Variants in TNC observed in about 807,000 individuals in gnomAD.
The protein encoded by TNC is tenascin C, also known as tenascin.
TNC carries 109 observed loss-of-function variants against 202.4 expected under a neutral mutation model. The ratio of observed to expected loss-of-function variants is 0.54; its 90% CI spans 0.46 to 0.63. The LOEUF is 0.63. Ranked by LOEUF, TNC falls within the 30% of genes least tolerant of loss-of-function variation. The pLI, the probability that TNC is intolerant of heterozygous loss-of-function variation, is 0.00. For synonymous variants in TNC, 1,007 were observed against 1,089.7 expected, an observed-to-expected ratio of 0.92 and a Z score of 1.50; for missense variants, 2,756 against 2,833.3, an observed-to-expected ratio of 0.97 and a Z score of 0.62.
At chr9:115,098,022 C>T (rs1835926966) in intron 1 of TNC, among the ~76,000 whole-genome samples, 1 of 152,104 alleles carries the variant, frequency 6.6e-6, no homozygotes, top group Non-Finnish European at 1.5e-5. Context: ...GTCCCCCATT[C>T]TCCAAATACC....
chr9:115,108,651 G>C (rs1270259561), intron 1 of TNC, among the ~76,000 whole-genome samples: 3 of 152,114 alleles, frequency 2.0e-5, no homozygotes, highest in Non-Finnish European at 4.4e-5. Flanking sequence ...CCTTCCCCCT[G>C]CTATGGTCTG....
At chr9:115,097,710 GA>G (rs1366219426) in intron 1 of TNC, among the ~76,000 whole-genome samples, 1 of 152,204 alleles carries the variant, frequency 6.6e-6, no homozygotes, top group Non-Finnish European at 1.5e-5. Flanking sequence ...GAATTAAGAA[GA>G]TAGCTGTAAT....
rs1198780041 is a variant in TNC, at chr9:115,019,948, A to C, written c.*1209T>G. The C allele has an allele frequency of 6.6e-6, 1 of 152,236 alleles. No individual in the cohort carries two copies. Among genetic ancestry groups the C allele is most frequent in the African/African-American group, 2.4e-5 (1 of 41,464 alleles). The allele number at this position is 152,236 out of a possible 1,614,324, so 9.4% of individuals were successfully genotyped here. On this transcript the variant is annotated 3_prime_UTR_variant, in exon 28 of 28. Transcript: ENST00000350763. ...ATAGAGTTTCTAGGAGTTGCATTAG[A>C]AAATGAGTATAAAAGCATCTTTTAA...
rs574045145 is a variant in TNC, at chr9:115,024,120, G to A, written c.6348C>T (p.Tyr2116=). The A allele has an allele frequency of 5.8e-5, 93 of 1,613,998 alleles. 1 individual carries two copies. In the South Asian group the frequency reaches 6.9e-4, roughly 12 times the overall value. ...AGGTGGAGAAGGATCTGCCATTGTG[G>A]TAGGCCATGGAGTCACCTGGGAGAG... ...YSGTAGDSMA[Y]HNGRSFSTFD... Residue 2116 remains tyrosine, a synonymous_variant, in exon 27 of 28, where the codon TAC becomes TAT. Transcript: ENST00000350763.
At chr9:115,074,777 T>A (rs766015953) in intron 9 of TNC, among the ~76,000 whole-genome samples, 3 of 152,196 alleles carry the variant, frequency 2.0e-5, no homozygotes, top group Non-Finnish European at 4.4e-5. Flanking sequence ...ACATGTGTGA[T>A]AAAATTGCAT....
Position 115,029,366 on chromosome 9 carries a change from A to G in TNC, c.6163T>C (p.Trp2055Arg). The G allele has an allele frequency of 6.2e-7, 1 of 1,614,122 alleles. No homozygotes were observed. Among genetic ancestry groups the G allele is most frequent in the Non-Finnish European group, 8.5e-7 (1 of 1,179,984 alleles). The change falls in exon 25 of 28, where the codon TGG becomes CGG. Residue 2055 changes from tryptophan to arginine, a missense_variant. Physicochemically the swap from Trp to Arg is moderately radical, Grantham distance 101. This residue lies in a region of TNC where 197 missense variants were observed against 287.3 expected (regional missense o/e 0.69). Coordinates refer to ENST00000350763, the MANE Select transcript of TNC (RefSeq NM_002160.4). ...ACATGCAGGGCTGCATTACCAAGCCAGAATTCTTCTCTGCGGTCCCCAAAT... is the reference window on the plus strand; with the variant it reads ...ACATGCAGGGCTGCATTACCAAGCCGGAATTCTTCTCTGCGGTCCCCAAAT... ...AGFGDRREEF[W>R]LGLDNLNKIT...
intron 1 of TNC, among the ~76,000 whole-genome samples, chr9:115,102,781 G>A (rs1018233649): frequency 6.6e-6 from 1 of 152,188 alleles, no homozygotes; most frequent in Non-Finnish European, 1.5e-5. Context: ...TGAGGGCAGG[G>A]ATATATCTGA....
At chr9:115,040,909 A>ACACT (rs761720301) in intron 19 of TNC, 32 bp downstream of exon 19, 5 of 1,550,222 alleles carry the variant, frequency 3.2e-6, no homozygotes. Context: ...AAATAGTAAC[A>ACACT]CACACACACA....
intron 1 of TNC, among the ~76,000 whole-genome samples, chr9:115,102,177 C>A (rs777678365): frequency 6.6e-6 from 1 of 152,136 alleles, no homozygotes; most frequent in Non-Finnish European, 1.5e-5. Flanking sequence ...AACCAAATCC[C>A]ATCTGAGTCC....
chr9:115,097,133 C>T (rs1301239388), intron 1 of TNC, among the ~76,000 whole-genome samples: 1 of 151,788 alleles, frequency 6.6e-6, no homozygotes, highest in African/African-American at 2.4e-5. Context: ...GGGAAAGAGT[C>T]TGGTCTTTGG....
At chr9:115,026,771 G>A (rs1004898576) in intron 25 of TNC, 76 bp from the exon 26 acceptor site, 24 of 1,470,816 alleles carry the variant, frequency 1.6e-5, no homozygotes, top group Admixed American at 9.4e-5. Context: ...CTGTAAAAGC[G>A]GCAACTGGGT....
Position 115,030,356 on chromosome 9 carries a change from A to G in TNC, c.5970T>C (p.Asn1990=), listed in dbSNP as rs1012533415. ...FPKDCSQAML[N]GDTTSGLYTI... is the part of the protein sequence containing the mutation. ...TGTAGAGGCCAGAGGTCGTGTCTCCATTCAGCATTGCTTGGGAGCAGTCCT... is the reference window on the plus strand; with the variant it reads ...TGTAGAGGCCAGAGGTCGTGTCTCCGTTCAGCATTGCTTGGGAGCAGTCCT... The change falls in exon 24 of 28, where the codon AAT becomes AAC. Residue 1990 remains asparagine (N), a synonymous_variant. Transcript: ENST00000350763. 1.2e-6 allele frequency: 2 copies of G among 1,613,934 alleles called. No individual in the cohort carries two copies. The highest frequency in any genetic ancestry group is 2.7e-5 in the African/African-American group (2 of 74,916).
Position 115,020,848 on chromosome 9 carries a change from C to T in TNC, c.*309G>A. 5.8e-6 allele frequency: 2 copies of T among 342,428 alleles called. No homozygotes were observed. The highest frequency in any genetic ancestry group is 5.4e-6 in the Non-Finnish European group (1 of 184,828). 21.2% of individuals were successfully genotyped at this position (342,428 alleles called of 1,614,324 possible). On this transcript the variant is annotated 3_prime_UTR_variant, in exon 28 of 28. Transcript: ENST00000350763. ...ACAAACTACCCCTGTACATCCTACC[C>T]CTCTCCCATTCCCAGAGCCACCTAA...
In TNC at chr9:115,042,291, C is replaced by T. The variant is rs1830821273; in HGVS notation, c.5176G>A (p.Ala1726Thr). 6.2e-7 allele frequency: 1 copy of T among 1,613,996 alleles called. No homozygotes were observed. Among genetic ancestry groups the T allele is most frequent in the African/African-American group, 1.3e-5 (1 of 74,930 alleles). Residue 1726 changes from alanine to threonine, a missense_variant, in exon 18 of 28, where the codon GCT becomes ACT. Physicochemically the swap from Ala to Thr is moderately conservative, Grantham distance 58 (BLOSUM62 0). Around this residue, in one of 2 missense-constraint regions of TNC, gnomAD observed 2,559 missense variants for 2,546.0 expected, o/e 1.01. Transcript: ENST00000350763. ...GTGGGTGCCCTCCAGCTGACAGTAG[C>T]CGAATTTTCAGTGATGTCTGAGAAA... ...VIFSDITENS[A>T]TVSWRAPTAQ... is the part of the protein sequence containing the mutation.
At chr9:115,042,182 A>G in intron 18 of TNC, 37 bp downstream of exon 18, 1 of 1,603,916 alleles carries the variant, frequency 6.2e-7, no homozygotes, top group Non-Finnish European at 8.5e-7. Flanking sequence ...CAAACCCACA[A>G]CACTCCTCCT....
intron 10 of TNC, among the ~76,000 whole-genome samples, chr9:115,065,194 G>A (rs1324065678): frequency 5.9e-5 from 9 of 152,186 alleles, no homozygotes; most frequent in South Asian, 2.1e-4. Context: ...TCAGGGGTTC[G>A]AGACCAGCCT....
chr9:115,042,425 G>A (rs1306815126), intron 17 of TNC, 84 bp from the exon 18 acceptor site: 1 of 1,556,084 alleles, frequency 6.4e-7, no homozygotes, highest in African/African-American at 1.4e-5. Context: ...CCTTATTTAG[G>A]AAAACTCAGT....
At chr9:115,035,162 T>C (rs755662053) in intron 22 of TNC, 42 bp downstream of exon 22, 2 of 1,543,658 alleles carry the variant, frequency 1.3e-6, no homozygotes, top group Non-Finnish European at 1.7e-6. Flanking sequence ...ATCATGCAAA[T>C]GCTTCAACTA....
At chr9:115,067,140 G>C (rs1235948767) in intron 10 of TNC, among the ~76,000 whole-genome samples, 1 of 152,150 alleles carries the variant, frequency 6.6e-6, no homozygotes, top group African/African-American at 2.4e-5. Flanking sequence ...ATCCTGCTGG[G>C]CCTTGTGAGG....
Sources: gnomAD v4.1 joint callset for allele counts (sites outside exome capture counted in the v4.1 genomes callset) on GRCh38, gnomAD v4.1.1 for gene constraint, gnomAD v4.1.1 regional missense constraint, MANE v1.5 for transcripts, NCBI Gene and HGNC (gene_info 2026-07-23, HGNC 2026-07-21) for gene names.